The following TIMELESS variants were observed in gnomAD, a reference collection of about 807,000 sequenced individuals.
TIMELESS encodes the protein protein timeless homolog.
TIMELESS carries 124 observed loss-of-function variants against 164.3 expected under a neutral mutation model. The observed-to-expected ratio is 0.75, with a 90% CI of 0.65 to 0.88. The LOEUF is 0.88. TIMELESS is among the 40% of genes least tolerant of loss of function. TIMELESS has a pLI of 0.00. For missense variants in TIMELESS, 1,422 were observed against 1,491.4 expected (o/e 0.95, Z 0.77); for synonymous variants, 564 against 563.4 (o/e 1.00, Z -0.02).
At chr12:56,419,418 C>T (rs911597655) in intron 26 of TIMELESS, among the ~76,000 whole-genome samples, 6 of 151,578 alleles carry the variant, frequency 4.0e-5, no homozygotes, top group African/African-American at 1.2e-4. Context: ...ATTGAGCAGA[C>T]TCTTGAAGAC....
At chr12:56,445,416 CCA>C (rs1168744932) in intron 1 of TIMELESS, among the ~76,000 whole-genome samples, 5 of 93,532 alleles carry the variant, frequency 5.3e-5, no homozygotes, top group African/African-American at 4.0e-5. Context: ...GAGCGAAACT[CCA>C]CGTCAAAAAA....
At chr12:56,440,456 A>T (rs980809482) in intron 1 of TIMELESS, among the ~76,000 whole-genome samples, 4 of 151,978 alleles carry the variant, frequency 2.6e-5, no homozygotes, top group African/African-American at 9.7e-5. Flanking sequence ...TACTTTTTGA[A>T]GACGAAACAA....
chr12:56,428,921 C>A lies in TIMELESS; in HGVS notation c.1266G>T (p.Met422Ile). The A allele has an allele frequency of 6.2e-7, 1 of 1,614,076 alleles. No homozygotes were observed. The highest frequency in any genetic ancestry group is 8.5e-7 in the Non-Finnish European group (1 of 1,180,042). ...AGGCAGCTTCCTTGCGGTCAGTCAG[C>A]ATCATCTCATAGTAGTTGGTGAGGT... Reference protein sequence around the residue: ...EQNLTNYYEMMLTDRKEAASW... With the variant: ...EQNLTNYYEMILTDRKEAASW... Residue 422 changes from methionine (M) to isoleucine (I), a missense_variant, in exon 11 of 29, where the codon ATG (methionine) becomes ATT (isoleucine). Met to Ile is a conservative substitution (Grantham distance 10). Coordinates refer to ENST00000553532, the MANE Select transcript of TIMELESS (RefSeq NM_003920.5).
chr12:56,435,957 TTAA>T (rs1367771917), intron 1 of TIMELESS, among the ~76,000 whole-genome samples: 109 of 86,448 alleles, frequency 1.3e-3, no homozygotes, highest in Non-Finnish European at 2.3e-3. Flanking sequence ...AGACTCCGTC[TTAA>T]AAAAAAAAAA....
intron 9 of TIMELESS, 151 bp from the exon 10 acceptor site, chr12:56,430,432 C>G: frequency 1.1e-6 from 1 of 909,080 alleles, no homozygotes; most frequent in Non-Finnish European, 1.6e-6. Flanking sequence ...ATGATGCAAT[C>G]ATAGCACACT....
intron 7 of TIMELESS, 60 bp from the exon 8 acceptor site, chr12:56,431,664 G>A (rs1317729176): frequency 2.2e-5 from 34 of 1,569,710 alleles, no homozygotes; most frequent in South Asian, 1.6e-4. Flanking sequence ...CTGAGTTCAC[G>A]CCTACTGGGG....
chr12:56,442,898 A>G (rs1393585012), intron 1 of TIMELESS, among the ~76,000 whole-genome samples: 1 of 152,180 alleles, frequency 6.6e-6, no homozygotes, highest in African/African-American at 2.4e-5. Context: ...AATTATGAAG[A>G]TTTCATGGAC....
intron 2 of TIMELESS, 57 bp downstream of exon 2, chr12:56,434,017 A>C: frequency 3.7e-6 from 6 of 1,611,318 alleles, no homozygotes; most frequent in Non-Finnish European, 4.2e-6. Context: ...TGAGGAATTC[A>C]ACAGACCTCC....
intron 1 of TIMELESS, among the ~76,000 whole-genome samples, chr12:56,438,492 C>T (rs561237481): frequency 1.8e-4 from 28 of 152,114 alleles, no homozygotes; most frequent in Non-Finnish European, 3.7e-4. Context: ...AAGGGCACAG[C>T]CAGGTTCAGT....
intron 15 of TIMELESS, 140 bp from the exon 16 acceptor site, chr12:56,424,034 A>T: frequency 4.0e-6 from 3 of 749,140 alleles, no homozygotes; most frequent in Non-Finnish European, 6.4e-6. Context: ...AATGAAACAA[A>T]GACTCCAGGG....
intron 1 of TIMELESS, among the ~76,000 whole-genome samples, chr12:56,441,180 T>C (rs980674449): frequency 5.9e-5 from 9 of 152,232 alleles, no homozygotes; most frequent in Non-Finnish European, 1.2e-4. Context: ...TCTTTTTAAA[T>C]GTTATTTTTC....
chr12:56,429,197 G>A (rs181998005), intron 10 of TIMELESS, 97 bp from the exon 11 acceptor site: 13 of 1,180,048 alleles, frequency 1.1e-5, no homozygotes, highest in South Asian at 6.2e-5. Context: ...GCTGGACACC[G>A]TCATAATTTT....
intron 6 of TIMELESS, 71 bp downstream of exon 6, chr12:56,432,952 TCAA>T: frequency 1.7e-6 from 1 of 599,716 alleles, no homozygotes; most frequent in Non-Finnish European, 2.4e-6. Context: ...AGACTCCGTC[TCAA>T]AAAAAAAAAA....
In TIMELESS at chr12:56,421,037, C is replaced by G. The variant is rs779123822; in HGVS notation, c.2966G>C (p.Gly989Ala). ...EEDSEEEEEG[G>A]SEAEQVQGSL... Reference sequence around the variant, plus strand: ...ACCCTGGACTTGTTCTGCTTCTGAGCCCCCTTCTTCTTCCTCTTCGCTGTC... The same window carrying G: ...ACCCTGGACTTGTTCTGCTTCTGAGGCCCCTTCTTCTTCCTCTTCGCTGTC... The change falls in exon 24 of 29, where the codon GGC (glycine) becomes GCC (alanine). Residue 989 changes from glycine (G) to alanine (A), a missense_variant. Coordinates refer to ENST00000553532, the MANE Select transcript of TIMELESS (RefSeq NM_003920.5). The G allele has an allele frequency of 9.3e-6, 15 of 1,614,080 alleles. No homozygotes were observed. In the Admixed American group the frequency reaches 2.5e-4, roughly 27 times the overall value.
rs1033827949 is a variant in TIMELESS, at chr12:56,428,725, C to T, written c.1305-73G>A. The T allele has an allele frequency of 2.0e-5, 29 of 1,472,150 alleles. No individual in the cohort carries two copies. In the Admixed American group the frequency reaches 4.8e-4, roughly 24 times the overall value. 91.2% of individuals were successfully genotyped at this position (1,472,150 alleles called of 1,614,324 possible). On this transcript the variant is annotated intron_variant, in intron 11 of 28. Transcript: ENST00000553532. Reference sequence around the variant, plus strand: ...GGCCCATGGAAACAGCAACTTCCCACAGCGAAAAAAAAAAATGTGCCACCC... The same window carrying T: ...GGCCCATGGAAACAGCAACTTCCCATAGCGAAAAAAAAAAATGTGCCACCC...
chr12:56,433,326 G>A (rs1390959006), intron 5 of TIMELESS, 55 bp downstream of exon 5: 15 of 1,590,144 alleles, frequency 9.4e-6, no homozygotes, highest in Middle Eastern at 3.4e-4. Context: ...TCCTCTGCCC[G>A]GAGAAGGTGC....
In TIMELESS at chr12:56,420,595, C is replaced by G; in HGVS notation, c.3202G>C (p.Gly1068Arg). The change falls in exon 26 of 29, where the codon GGG becomes CGG. Residue 1068 changes from glycine (G) to arginine (R), a missense_variant. Gly to Arg is a moderately radical substitution (Grantham distance 125, BLOSUM62 -2). Transcript: ENST00000553532. ...EQFQQLLRKL[G>R]VRPPASGQET... The stretch of plus-strand genomic sequence containing the variant: ...TGCCCAGAGGCAGGGGGCCGAACCC[C>G]TAGCTTGCGCAACAGCTGCTGAAAC... The G allele has an allele frequency of 6.2e-7, 1 of 1,614,244 alleles. No homozygotes were observed. The highest frequency in any genetic ancestry group is 1.1e-5 in the South Asian group (1 of 91,088).
rs756228044 is a variant in TIMELESS at position 56,428,591 on chromosome 12, A to G, written c.1366T>C (p.Ser456Pro). The change falls in exon 12 of 29, where the codon TCT becomes CCT. Residue 456 changes from serine (S) to proline (P), a missense_variant. Transcript: ENST00000553532. ...LLATVNEMDI[S>P]PDEAVRESSR... ...CTCTCCCTCACAGCCTCATCTGGAGATATGTCCATCTCATTCACTGTTGCC... is the reference window on the plus strand; with the variant it reads ...CTCTCCCTCACAGCCTCATCTGGAGGTATGTCCATCTCATTCACTGTTGCC... 1.2e-6 allele frequency: 2 copies of G among 1,614,120 alleles called. No homozygotes were observed. Among genetic ancestry groups the G allele is most frequent in the East Asian group, 2.2e-5 (1 of 44,870 alleles).
Position 56,434,861 on chromosome 12 carries a change from G to A in TIMELESS, c.-61-630C>T, listed in dbSNP as rs73326250. 8.3e-3 allele frequency among the ~76,000 whole-genome samples: 1,265 copies of A among 152,268 alleles called. 19 individuals carry two copies. Among genetic ancestry groups the A allele is most frequent in the African/African-American group, 0.029 (1,198 of 41,538 alleles). ...GCCCCAGTGTTCAAGATTAGCCTGG[G>A]CAACATTGTGAGACCCCATCTGTAC... On this transcript the variant is annotated intron_variant, in intron 1 of 28. Coordinates refer to ENST00000553532, the MANE Select transcript of TIMELESS (RefSeq NM_003920.5).
Sources: allele counts gnomAD v4.1 joint callset (sites outside exome capture counted in the v4.1 genomes callset), GRCh38; gene constraint gnomAD v4.1.1; transcripts MANE v1.5; gene names NCBI Gene and HGNC (gene_info 2026-07-23, HGNC 2026-07-21).